Variants in EEA1 observed in about 807,000 individuals in gnomAD.
The protein encoded by EEA1 is early endosome antigen 1, 162kD.
EEA1 carries 111 observed loss-of-function variants against 209.2 expected under a neutral mutation model. The observed-to-expected ratio is 0.53, with a 90% CI of 0.45 to 0.62. The LOEUF (loss-of-function observed/expected upper bound fraction) is 0.62. Among genes scored for constraint, EEA1 ranks in the 20% least tolerant of loss-of-function variants. The pLI, the probability that EEA1 is intolerant of heterozygous loss-of-function variation, is 0.00. For synonymous variants in EEA1, 536 were observed against 540.6 expected, an observed-to-expected ratio of 0.99 and a Z score of 0.12; for missense variants, 1,343 against 1,530.8, an observed-to-expected ratio of 0.88 and a Z score of 2.05.
chr12:92,832,633 T>C lies in EEA1; in HGVS notation c.1133A>G (p.Lys378Arg), dbSNP rs1316328188. 2.5e-6 allele frequency: 4 copies of C among 1,613,934 alleles called. No homozygotes were observed. Among genetic ancestry groups the C allele is most frequent in the South Asian group, 2.2e-5 (2 of 91,084 alleles). ...GGTCTCTACCTCAGATAATTCTTCTTTGAGCTTTTGAGTAGCTTCTCCTTT... is the reference window on the plus strand; with the variant it reads ...GGTCTCTACCTCAGATAATTCTTCTCTGAGCTTTTGAGTAGCTTCTCCTTT... ...SEKGEATQKL[K>R]EELSEVETKY... The change falls in exon 11 of 29, where the codon AAA (lysine) becomes AGA (arginine). Residue 378 changes from lysine to arginine, a missense_variant. By Grantham distance (26) the Lys-to-Arg change is conservative (BLOSUM62 2). Coordinates refer to ENST00000322349, the MANE Select transcript of EEA1 (RefSeq NM_003566.4).
chr12:92,854,788 C>T (rs1195931293), intron 5 of EEA1, among the ~76,000 whole-genome samples: 1 of 152,144 alleles, frequency 6.6e-6, no homozygotes, highest in South Asian at 2.1e-4. Flanking sequence ...AGAGACTGCT[C>T]ATAAAAAAAG....
intron 17 of EEA1, among the ~76,000 whole-genome samples, chr12:92,810,635 T>C (rs1286085711): frequency 6.6e-6 from 1 of 151,966 alleles, no homozygotes; most frequent in African/African-American, 2.4e-5. Flanking sequence ...GTTTAACTGA[T>C]AGTAGCTCAA....
At position 92,864,973 on chromosome 12, in the gene EEA1, G is replaced by T; in HGVS notation, c.132C>A (p.Pro44=). ...CAGATCCAAGAGATTTCATACACTG[G>T]GGACATATGAAACCCTATAGAAAGG... ...NESSSEGFIC[P]QCMKSLGSAD... is the part of the protein sequence containing the mutation. Residue 44 remains proline, a synonymous_variant, in exon 3 of 29, where the codon CCC becomes CCA. Transcript: ENST00000322349. 6.2e-7 allele frequency: 1 copy of T among 1,603,550 alleles called. No homozygotes were observed. The highest frequency in any genetic ancestry group is 1.1e-5 in the South Asian group (1 of 88,616).
chr12:92,909,867 G>A (rs1423776943), intron 1 of EEA1, among the ~76,000 whole-genome samples: 1 of 152,098 alleles, frequency 6.6e-6, no homozygotes, highest in Non-Finnish European at 1.5e-5. Flanking sequence ...TTTAGGTTGG[G>A]CACAGTGGCT....
chr12:92,927,407 T>C (rs568185410), intron 1 of EEA1, among the ~76,000 whole-genome samples: 114 of 152,334 alleles, frequency 7.5e-4, no homozygotes, highest in African/African-American at 2.7e-3. Flanking sequence ...TCAATTTCAC[T>C]TTTGTAGTTT....
At chr12:92,802,143 A>C (rs1874945723) in intron 19 of EEA1, among the ~76,000 whole-genome samples, 1 of 152,020 alleles carries the variant, frequency 6.6e-6, no homozygotes, top group African/African-American at 2.4e-5. Flanking sequence ...AAAAGAACAT[A>C]ACAACACACA....
chr12:92,813,112 A>T lies in EEA1; in HGVS notation c.1930-19T>A. On this transcript the variant is annotated intron_variant, in intron 15 of 28. Coordinates refer to ENST00000322349, the MANE Select transcript of EEA1 (RefSeq NM_003566.4). ...CTTTAATCTGTAACAGCATTTACAA[A>T]TTATTTAATTTATATTTAGTTCTTG... The T allele has an allele frequency of 6.9e-7, 1 of 1,453,288 alleles. No individual in the cohort carries two copies. The highest frequency in any genetic ancestry group is 9.4e-7 in the Non-Finnish European group (1 of 1,062,124). 90.0% of individuals were successfully genotyped at this position (1,453,288 alleles called of 1,614,324 possible).
chr12:92,877,344 A>G (rs1050261663), intron 2 of EEA1, among the ~76,000 whole-genome samples: 3 of 151,934 alleles, frequency 2.0e-5, no homozygotes. Context: ...AATAGATTCA[A>G]TTGGAAGAGA....
chr12:92,833,710 A>T (rs1292515440), intron 10 of EEA1, among the ~76,000 whole-genome samples: 2 of 152,162 alleles, frequency 1.3e-5, no homozygotes, highest in Admixed American at 1.3e-4. Context: ...CTGGAAGGGG[A>T]TGACACTGAA....
intron 5 of EEA1, among the ~76,000 whole-genome samples, chr12:92,856,245 G>A (rs79869558): frequency 0.027 from 4,175 of 152,110 alleles, 90 homozygotes; most frequent in Non-Finnish European, 0.037. Flanking sequence ...GTAAAACTTC[G>A]TTAATCTTTG....
intron 17 of EEA1, among the ~76,000 whole-genome samples, chr12:92,809,867 A>G (rs965177446): frequency 5.3e-5 from 8 of 152,232 alleles, no homozygotes; most frequent in Non-Finnish European, 8.8e-5. Context: ...AGTTAAAAAC[A>G]CTGATGTAAT....
intron 1 of EEA1, among the ~76,000 whole-genome samples, chr12:92,909,567 C>T (rs1880503432): frequency 6.6e-6 from 1 of 152,092 alleles, no homozygotes; most frequent in Non-Finnish European, 1.5e-5. Flanking sequence ...CTTGAATGTC[C>T]CCACCAAAAC....
At chr12:92,814,328 T>C (rs1236151061) in intron 15 of EEA1, among the ~76,000 whole-genome samples, 1 of 152,196 alleles carries the variant, frequency 6.6e-6, no homozygotes, top group Non-Finnish European at 1.5e-5. Context: ...AAACAACACA[T>C]AGTAAATCTA....
chr12:92,799,189 CA>C (rs2136664701), intron 20 of EEA1, 103 bp from the exon 21 acceptor site: 1 of 1,042,230 alleles, frequency 9.6e-7, no homozygotes, highest in African/African-American at 1.6e-5. Context: ...TTTGTTCATT[CA>C]AAAGACAATT....
intron 1 of EEA1, among the ~76,000 whole-genome samples, chr12:92,910,080 T>C (rs1181564109): frequency 6.6e-6 from 1 of 151,942 alleles, no homozygotes; most frequent in Non-Finnish European, 1.5e-5. Flanking sequence ...AAGGTGGAGG[T>C]TGCAGTGAGC....
At chr12:92,830,238 C>T (rs550174182) in intron 11 of EEA1, among the ~76,000 whole-genome samples, 1 of 152,020 alleles carries the variant, frequency 6.6e-6, no homozygotes, top group Non-Finnish European at 1.5e-5. Context: ...TTACGTGTCA[C>T]AGGGGTTTGG....
chr12:92,827,204 A>T (rs1202564017), intron 12 of EEA1, among the ~76,000 whole-genome samples: 2 of 152,050 alleles, frequency 1.3e-5, no homozygotes, highest in Non-Finnish European at 2.9e-5. Context: ...AAAAAATATA[A>T]ATATTAGCTG....
At chr12:92,845,712 T>C (rs1436452417) in intron 9 of EEA1, among the ~76,000 whole-genome samples, 1 of 152,208 alleles carries the variant, frequency 6.6e-6, no homozygotes, top group Non-Finnish European at 1.5e-5. Flanking sequence ...ATTACCTAGC[T>C]TTCTATCATG....
rs1462297866 is a variant in EEA1 at position 92,884,236 on chromosome 12, T to C, written c.117+7393A>G. 17 of 1,518,194 alleles carry C rather than the reference T, an allele frequency of 1.1e-5. No homozygotes were observed. In the East Asian group the frequency reaches 2.7e-4, roughly 24 times the overall value. The allele number at this position is 1,518,194 out of a possible 1,614,324, so 94.0% of individuals were successfully genotyped here. On this transcript the variant is annotated intron_variant, in intron 2 of 28. Transcript: ENST00000322349. ...TTGCCTTTGTAACCTTTGACGACCA[T>C]GACTCCGTGGATAAGACTGTCATTC...
Sources: gnomAD v4.1 joint callset for allele counts (sites outside exome capture counted in the v4.1 genomes callset) on GRCh38, gnomAD v4.1.1 for gene constraint, MANE v1.5 for transcripts, NCBI Gene and HGNC (gene_info 2026-07-23, HGNC 2026-07-21) for gene names.